RTKN2: variants seen among roughly 807,000 people sequenced by gnomAD.
RTKN2 encodes rhotekin-2.
A neutral mutation model predicts 71.5 loss-of-function variants in RTKN2; 69 were observed. That is an observed-to-expected ratio of 0.96 (90% CI 0.79 to 1.18). The LOEUF is 1.18. Among genes scored for constraint, RTKN2 ranks in the 50% most tolerant of loss-of-function variants. RTKN2 has a pLI of 0.00. For synonymous variants in RTKN2, 236 were observed against 236.5 expected, an observed-to-expected ratio of 1.00 and a Z score of 0.02; for missense variants, 724 against 719.7, an observed-to-expected ratio of 1.01 and a Z score of -0.07.
chr10:62,226,623 A>G (rs776290649), intron 6 of RTKN2, among the ~76,000 whole-genome samples: 2 of 152,246 alleles, frequency 1.3e-5, no homozygotes, highest in Non-Finnish European at 2.9e-5. Context: ...AGTTCACTAT[A>G]TATCAACAAA....
intron 9 of RTKN2, among the ~76,000 whole-genome samples, chr10:62,216,029 A>C (rs1172787569): frequency 1.3e-5 from 2 of 152,000 alleles, no homozygotes; most frequent in African/African-American, 4.8e-5. Flanking sequence ...TTATATAATA[A>C]AAGGTCTCAC....
intron 6 of RTKN2, among the ~76,000 whole-genome samples, chr10:62,235,236 A>AT (rs1842230957): frequency 6.6e-6 from 1 of 152,062 alleles, no homozygotes; most frequent in Non-Finnish European, 1.5e-5. Flanking sequence ...TCAAAACAGT[A>AT]TTTTTTCCAG....
rs756813110 is a variant in RTKN2 at position 62,215,065 on chromosome 10, G to A, written c.1020+2053C>T. ...GAGATATGGCGAGTTGAATTCCTTCGAGACTGTCTTCAAATAAAACTAATG... is the reference window on the plus strand; with the variant it reads ...GAGATATGGCGAGTTGAATTCCTTCAAGACTGTCTTCAAATAAAACTAATG... On this transcript the variant is annotated intron_variant, in intron 9 of 11. Coordinates refer to ENST00000373789, the MANE Select transcript of RTKN2 (RefSeq NM_145307.4). The A allele has an allele frequency of 1.8e-5, 28 of 1,518,462 alleles. 1 individual carries two copies. In the South Asian group the frequency reaches 2.9e-4, roughly 16 times the overall value. 94.1% of individuals were successfully genotyped at this position (1,518,462 alleles called of 1,614,324 possible). A position where few individuals can be genotyped will look rare whatever the true frequency, so the allele number is the denominator to read the frequency against.
intron 6 of RTKN2, among the ~76,000 whole-genome samples, chr10:62,235,803 C>T (rs1423689005): frequency 6.6e-6 from 1 of 151,890 alleles, no homozygotes; most frequent in Non-Finnish European, 1.5e-5. Context: ...AAATCTAAAA[C>T]ACTTCTGGTC....
chr10:62,218,299 C>T lies in RTKN2; in HGVS notation c.784G>A (p.Glu262Lys), dbSNP rs749459212. ...THNLSINGNEESSFWLPLYGN... is the reference protein window; with the variant it reads ...THNLSINGNEKSSFWLPLYGN... ...TACAGGGGAAGCCAAAATGAAGACT[C>T]CTCTATTTAAAGGAGAAAGAAAAAA... Residue 262 changes from glutamate (E) to lysine (K), a missense_variant and splice_region_variant, in exon 8 of 12, where the codon GAG becomes AAG. Glu to Lys is a moderately conservative substitution (Grantham distance 56). Coordinates refer to ENST00000373789, the MANE Select transcript of RTKN2 (RefSeq NM_145307.4). The T allele has an allele frequency of 1.6e-5, 26 of 1,577,890 alleles. No homozygotes were observed. Among genetic ancestry groups the T allele is most frequent in the Non-Finnish European group, 1.8e-5 (21 of 1,160,956 alleles).
chr10:62,243,476 A>G (rs1453215482), intron 3 of RTKN2, among the ~76,000 whole-genome samples: 2 of 152,098 alleles, frequency 1.3e-5, no homozygotes, highest in Non-Finnish European at 2.9e-5. Context: ...TTAACAGAGC[A>G]TTAACTATTT....
intron 6 of RTKN2, among the ~76,000 whole-genome samples, chr10:62,232,185 G>C (rs1842162529): frequency 6.6e-6 from 1 of 152,040 alleles, no homozygotes; most frequent in Non-Finnish European, 1.5e-5. Context: ...GAAAAATTCT[G>C]AACAGGAAAA....
At chr10:62,185,498 C>A in intron 8 of RTKN2, among the ~76,000 whole-genome samples, 1 of 152,094 alleles carries the variant, frequency 6.6e-6, no homozygotes, top group South Asian at 2.1e-4. Flanking sequence ...CACCTGTAAT[C>A]CCAGCTACTC....
intron 1 of RTKN2, among the ~76,000 whole-genome samples, chr10:62,264,384 T>C (rs1418621474): frequency 2.6e-5 from 4 of 152,354 alleles, no homozygotes; most frequent in Non-Finnish European, 4.4e-5. Context: ...TGGTGTACTA[T>C]ATAAATGTAG....
chr10:62,198,276 A>G lies in RTKN2; in HGVS notation c.1462T>C (p.Tyr488His). 2 of 1,613,978 alleles carry G rather than the reference A, an allele frequency of 1.2e-6. No individual in the cohort carries two copies. Among genetic ancestry groups the G allele is most frequent in the Non-Finnish European group, 1.7e-6 (2 of 1,179,910 alleles). Residue 488 changes from tyrosine (Y) to histidine (H), a missense_variant, in exon 12 of 12, where the codon TAT becomes CAT. Physicochemically the swap from Tyr to His is moderately conservative, Grantham distance 83 (BLOSUM62 2). Coordinates refer to ENST00000373789, the MANE Select transcript of RTKN2 (RefSeq NM_145307.4). ...HQMVIQKKVL[Y>H]PASEPLHDEK... Reference sequence around the variant, plus strand: ...TCATGTAATGGCTCACTTGCAGGATACAGTACCTTTTTCTGGATGACCATT... The same window carrying G: ...TCATGTAATGGCTCACTTGCAGGATGCAGTACCTTTTTCTGGATGACCATT...
At chr10:62,198,654 A>G (rs982776900) in intron 11 of RTKN2, among the ~76,000 whole-genome samples, 7 of 152,062 alleles carry the variant, frequency 4.6e-5, no homozygotes, top group Admixed American at 6.6e-5. Flanking sequence ...AAACATACAC[A>G]TAATACATAG....
chr10:62,191,867 A>G (rs1841228159), downstream of RTKN2, among the ~76,000 whole-genome samples: 1 of 152,180 alleles, frequency 6.6e-6, no homozygotes, highest in Non-Finnish European at 1.5e-5. Context: ...GAGAGGGGTT[A>G]TAAGTGACTA....
intron 9 of RTKN2, among the ~76,000 whole-genome samples, chr10:62,210,014 C>T (rs562089389): frequency 1.1e-4 from 16 of 152,274 alleles, no homozygotes; most frequent in Middle Eastern, 3.4e-3. Context: ...TGGTATCTGT[C>T]TTTAGGTCTT....
intron 2 of RTKN2, among the ~76,000 whole-genome samples, chr10:62,255,286 C>T (rs776095294): frequency 2.0e-5 from 3 of 152,104 alleles, no homozygotes; most frequent in Non-Finnish European, 2.9e-5. Context: ...AGCAGTGATA[C>T]CCCAGGAACC....
chr10:62,223,170 G>A, intron 7 of RTKN2, 68 bp downstream of exon 7: 1 of 853,522 alleles, frequency 1.2e-6, no homozygotes, highest in Non-Finnish European at 1.9e-6. Context: ...ATCCACTTGA[G>A]GGGAACATAC....
At chr10:62,245,843 G>C (rs1490226013) in intron 3 of RTKN2, among the ~76,000 whole-genome samples, 156 bp downstream of exon 3, 1 of 152,036 alleles carries the variant, frequency 6.6e-6, no homozygotes, top group Non-Finnish European at 1.5e-5. Context: ...TATCAATGTA[G>C]CATATAATGC....
At chr10:62,258,047 A>G (rs748066046) in intron 2 of RTKN2, among the ~76,000 whole-genome samples, 10 of 152,312 alleles carry the variant, frequency 6.6e-5, no homozygotes, top group Non-Finnish European at 1.5e-4. Flanking sequence ...ATATTATTGG[A>G]ACAGTATGGT....
At position 62,217,252 on chromosome 10, in the gene RTKN2, GAAAAAA is replaced by G. The variant is rs5785514; in HGVS notation, c.889-9_889-4del. ...CTAATCAGACCTTCTACCATTTGCT[GAAAAAA>G]AAAAAAAAAAAATCAAGAGACTATC... On this transcript the variant is annotated splice_region_variant and splice_polypyrimidine_tract_variant and intron_variant, in intron 8 of 11. Transcript: ENST00000373789. The G allele has an allele frequency of 0.043, 51,376 of 1,206,514 alleles. 3 individuals are homozygous for G. Among genetic ancestry groups the G allele is most frequent in the East Asian group, 0.065 (2,020 of 30,874 alleles). 74.7% of individuals were successfully genotyped at this position (1,206,514 alleles called of 1,614,324 possible).
intron 8 of RTKN2, among the ~76,000 whole-genome samples, chr10:62,185,268 C>T (rs576430060): frequency 2.6e-5 from 4 of 151,760 alleles, no homozygotes; most frequent in Non-Finnish European, 5.9e-5. Context: ...GGCACCAAGT[C>T]AGTCCCAAAC....
Sources: allele counts gnomAD v4.1 joint callset (sites outside exome capture counted in the v4.1 genomes callset), GRCh38; gene constraint gnomAD v4.1.1; transcripts MANE v1.5; gene names NCBI Gene and HGNC (gene_info 2026-07-23, HGNC 2026-07-21).